Variants in MECOM observed in about 807,000 individuals in gnomAD.
The protein encoded by MECOM is histone-lysine N-methyltransferase MECOM.
Under a neutral mutation model 116.3 loss-of-function variants are expected in MECOM, and 13 were observed. That is an observed-to-expected ratio of 0.11 (90% CI 0.07 to 0.18). The LOEUF is 0.18. Ranked by LOEUF, MECOM falls within the 10% of genes least tolerant of loss-of-function variation. MECOM has a pLI of 1.00. For missense variants in MECOM, 1,299 were observed against 1,509.0 expected (o/e 0.86, Z 2.31); for synonymous variants, 528 against 535.2 (o/e 0.99, Z 0.19).
chr3:169,330,217 T>C (rs2149771624), intron 2 of MECOM, among the ~76,000 whole-genome samples: 1 of 152,190 alleles, frequency 6.6e-6, no homozygotes, highest in Admixed American at 6.5e-5. Context: ...AGAGATGGGG[T>C]CTCACTATGT....
chr3:169,299,984 CATGTCTGAGACAGCCACGAGTCCCTCAT>C, intron 2 of MECOM, among the ~76,000 whole-genome samples: 1 of 152,190 alleles, frequency 6.6e-6, no homozygotes, highest in Non-Finnish European at 1.5e-5. Flanking sequence ...CACTCCCTCA[CATGTCTGAGACAGCCACGAGTCCCTCAT>C]AGAAACCTTG....
chr3:169,271,819 T>A (rs1270811867), intron 2 of MECOM, among the ~76,000 whole-genome samples: 2 of 152,218 alleles, frequency 1.3e-5, no homozygotes, highest in Non-Finnish European at 2.9e-5. Flanking sequence ...TATTACTCTC[T>A]TAAAATGTCT....
intron 1 of MECOM, among the ~76,000 whole-genome samples, chr3:169,628,126 C>T (rs537141177): frequency 3.3e-5 from 5 of 152,256 alleles, no homozygotes; most frequent in South Asian, 2.1e-4. Context: ...TGTGAAACTT[C>T]GAGACAGACA....
Position 169,507,802 on chromosome 3 carries a change from CA to C in MECOM, c.38-126279del, listed in dbSNP as rs375039869. 2.8e-3 allele frequency among the ~76,000 whole-genome samples: 384 copies of C among 136,300 alleles called. 4 individuals carry two copies. Among genetic ancestry groups the C allele is most frequent in the African/African-American group, 9.3e-3 (328 of 35,326 alleles). 89.4% of individuals were successfully genotyped at this position (136,300 alleles called of 152,430 possible). ...TCAGCCTCCCGAGTAGCTGGGACCA[CA>C]GGCACCGCCACCACGCCCGGCTAAT... is the stretch of plus-strand genomic sequence containing the variant. On this transcript the variant is annotated intron_variant, in intron 1 of 16. Transcript: ENST00000651503.
intron 2 of MECOM, among the ~76,000 whole-genome samples, chr3:169,305,135 T>C (rs1347970976): frequency 1.3e-5 from 2 of 152,160 alleles, no homozygotes; most frequent in African/African-American, 4.8e-5. Context: ...CTTTTGAAAA[T>C]TAAACCCCCT....
intron 2 of MECOM, among the ~76,000 whole-genome samples, chr3:169,198,418 T>G (rs748256184): frequency 2.4e-4 from 36 of 152,080 alleles, no homozygotes; most frequent in Non-Finnish European, 4.6e-4. Context: ...TTTTAATTTC[T>G]GATTATTATT....
intron 1 of MECOM, among the ~76,000 whole-genome samples, chr3:169,474,160 T>C (rs1350140704): frequency 2.0e-5 from 3 of 152,202 alleles, no homozygotes; most frequent in African/African-American, 7.2e-5. Flanking sequence ...AAATAGACCT[T>C]GTGGAAGGAT....
chr3:169,332,762 A>G (rs1722969877), intron 2 of MECOM, among the ~76,000 whole-genome samples: 1 of 152,214 alleles, frequency 6.6e-6, no homozygotes, highest in Non-Finnish European at 1.5e-5. Flanking sequence ...ACAGTAAACA[A>G]TGCTTATTCA....
chr3:169,658,294 T>G (rs1462174783), intron 1 of MECOM, among the ~76,000 whole-genome samples: 3 of 151,972 alleles, frequency 2.0e-5, no homozygotes, highest in African/African-American at 7.2e-5. Context: ...ATCATCAGAG[T>G]GTAACTTTTC....
intron 2 of MECOM, among the ~76,000 whole-genome samples, chr3:169,373,644 T>C (rs898438778): frequency 1.3e-5 from 2 of 152,016 alleles, no homozygotes; most frequent in Non-Finnish European, 2.9e-5. Context: ...CAATGCATAA[T>C]AATCACATCA....
At chr3:169,196,972 C>G (rs1748490062) in intron 2 of MECOM, among the ~76,000 whole-genome samples, 1 of 152,144 alleles carries the variant, frequency 6.6e-6, no homozygotes, top group South Asian at 2.1e-4. Flanking sequence ...CCATGGAATA[C>G]TATGCAGCCA....
chr3:169,441,412 G>T (rs1488444129), intron 1 of MECOM, among the ~76,000 whole-genome samples: 3 of 152,120 alleles, frequency 2.0e-5, no homozygotes, highest in African/African-American at 7.2e-5. Flanking sequence ...ACCAGTACAA[G>T]CCTGTTAGCA....
intron 1 of MECOM, among the ~76,000 whole-genome samples, chr3:169,460,750 C>G (rs114613318): frequency 6.6e-6 from 1 of 152,148 alleles, no homozygotes; most frequent in African/African-American, 2.4e-5. Context: ...TTAGCCCTGT[C>G]CATTACAGGT....
At chr3:169,203,476 A>G (rs1461046023) in intron 2 of MECOM, among the ~76,000 whole-genome samples, 2 of 152,280 alleles carry the variant, frequency 1.3e-5, no homozygotes, top group East Asian at 3.9e-4. Context: ...TGATCCAATT[A>G]ATTTACTAAA....
intron 10 of MECOM, among the ~76,000 whole-genome samples, chr3:169,103,098 G>T (rs1265078102): frequency 6.7e-6 from 1 of 150,286 alleles, no homozygotes; most frequent in Middle Eastern, 3.4e-3. Flanking sequence ...GCAGAAGATG[G>T]CATTTACTTT....
chr3:169,546,316 T>C (rs1402949501), intron 1 of MECOM, among the ~76,000 whole-genome samples: 1 of 152,216 alleles, frequency 6.6e-6, no homozygotes, highest in Non-Finnish European at 1.5e-5. Flanking sequence ...TCTAAAAATA[T>C]ATTAATGGCT....
At chr3:169,309,171 G>A (rs571341079) in intron 2 of MECOM, among the ~76,000 whole-genome samples, 23 of 152,176 alleles carry the variant, frequency 1.5e-4, no homozygotes, top group South Asian at 1.5e-3. Context: ...AAAGAAAAAA[G>A]GATATGAAAG....
chr3:169,524,039 A>AATATATATATATATAT (rs10575336), intron 1 of MECOM, among the ~76,000 whole-genome samples: 4 of 138,248 alleles, frequency 2.9e-5, no homozygotes, highest in African/African-American at 1.1e-4. Context: ...TATATGAATA[A>AATATATATATATATAT]ATATATATAT....
intron 2 of MECOM, among the ~76,000 whole-genome samples, chr3:169,365,472 T>C (rs1160890609): frequency 6.6e-6 from 1 of 151,978 alleles, no homozygotes; most frequent in East Asian, 1.9e-4. Context: ...ATGTGACACC[T>C]CCTTTCCCCA....
Sources: gnomAD v4.1 joint callset for allele counts (sites outside exome capture counted in the v4.1 genomes callset) on GRCh38, gnomAD v4.1.1 for gene constraint, MANE v1.5 for transcripts, NCBI Gene and HGNC (gene_info 2026-07-23, HGNC 2026-07-21) for gene names.